BMP5: variants seen among roughly 807,000 people sequenced by gnomAD.
BMP5 encodes bone morphogenetic protein 5.
Under a neutral mutation model 46.6 loss-of-function variants are expected in BMP5, and 23 were observed. The observed-to-expected ratio is 0.49, with a 90% CI of 0.35 to 0.70. The LOEUF (loss-of-function observed/expected upper bound fraction) is 0.70. Ranked by LOEUF, BMP5 falls within the 30% of genes least tolerant of loss-of-function variation. The pLI, the probability that BMP5 is intolerant of heterozygous loss-of-function variation, is 0.00. For synonymous variants in BMP5, 204 were observed against 191.9 expected (o/e 1.06, Z -0.52); for missense variants, 545 against 565.6 (o/e 0.96, Z 0.37).
rs73453368 is a variant in BMP5 at position 55,794,164 on chromosome 6, C to T, written c.832+115G>A. The T allele has an allele frequency of 9.9e-4, 1,103 of 1,111,440 alleles. 13 individuals are homozygous for T. In the African/African-American group the frequency reaches 0.013, roughly 13 times the overall value. 68.8% of individuals were successfully genotyped at this position (1,111,440 alleles called of 1,614,324 possible). ...TAGTTTTGCACTACCCTATAGAATGCGTTGACTTGGACATCATAAATATAA... is the reference window on the plus strand; with the variant it reads ...TAGTTTTGCACTACCCTATAGAATGTGTTGACTTGGACATCATAAATATAA... On this transcript the variant is annotated intron_variant, in intron 3 of 6. Transcript: ENST00000370830.
Position 55,875,206 on chromosome 6 carries a change from C to A in BMP5, c.-341G>T, listed in dbSNP as rs1777880523. ...CATTCCTATATGAATTTATGATAAT[C>A]AGGCCTTTGGTATTTGAATTAGCAA... On this transcript the variant is annotated 5_prime_UTR_variant, in exon 1 of 7. Transcript: ENST00000370830. 1 of 239,958 alleles carries A rather than the reference C, an allele frequency of 4.2e-6. No homozygotes were observed. Among genetic ancestry groups the A allele is most frequent in the Non-Finnish European group, 8.2e-6 (1 of 121,644 alleles). 14.9% of individuals were successfully genotyped at this position (239,958 alleles called of 1,614,324 possible).
intron 1 of BMP5, among the ~76,000 whole-genome samples, chr6:55,824,275 T>C (rs376958516): frequency 6.6e-6 from 1 of 151,782 alleles, no homozygotes; most frequent in Non-Finnish European, 1.5e-5. Context: ...CACAAGTAAA[T>C]GAGAAGAAAA....
chr6:55,829,504 T>C (rs1434474495), intron 1 of BMP5, among the ~76,000 whole-genome samples: 1 of 151,202 alleles, frequency 6.6e-6, no homozygotes, highest in Non-Finnish European at 1.5e-5. Flanking sequence ...ATAGTATATA[T>C]ATATTTTTTA....
At chr6:55,832,179 C>T (rs906614316) in intron 1 of BMP5, among the ~76,000 whole-genome samples, 3 of 152,198 alleles carry the variant, frequency 2.0e-5, no homozygotes, top group Admixed American at 6.6e-5. Flanking sequence ...TTCTTGCTTT[C>T]TCCTCAAAGC....
At chr6:55,804,560 T>C (rs1426431757) in intron 2 of BMP5, among the ~76,000 whole-genome samples, 1 of 152,142 alleles carries the variant, frequency 6.6e-6, no homozygotes, top group Non-Finnish European at 1.5e-5. Flanking sequence ...GATTAGGATA[T>C]TTCACATATT....
intron 4 of BMP5, among the ~76,000 whole-genome samples, chr6:55,769,310 A>G (rs531471630): frequency 6.6e-6 from 1 of 152,088 alleles, no homozygotes; most frequent in Non-Finnish European, 1.5e-5. Flanking sequence ...CTTATTTAAA[A>G]TGCTAAATCC....
At position 55,804,212 on chromosome 6, in the gene BMP5, G is replaced by C. The variant is rs116352773; in HGVS notation, c.684-9785C>G. ...TGCAAATGTAATCAAGTTAAGATGA[G>C]GTAAGCCATATTTCAATATAACCAG... On this transcript the variant is annotated intron_variant, in intron 2 of 6. Coordinates refer to ENST00000370830, the MANE Select transcript of BMP5 (RefSeq NM_021073.4). Among the ~76,000 whole-genome samples the C allele has an allele frequency of 2.3e-3, 352 of 152,192 alleles. 1 individual carries two copies. Among genetic ancestry groups the C allele is most frequent in the African/African-American group, 8.2e-3 (341 of 41,510 alleles).
At chr6:55,873,101 C>G (rs369528326) in intron 1 of BMP5, among the ~76,000 whole-genome samples, 1 of 151,760 alleles carries the variant, frequency 6.6e-6, no homozygotes, top group Non-Finnish European at 1.5e-5. Context: ...TATTAAGTAC[C>G]TTATCCTTCA....
At chr6:55,802,410 T>C (rs1014223496) in intron 2 of BMP5, among the ~76,000 whole-genome samples, 1 of 152,020 alleles carries the variant, frequency 6.6e-6, no homozygotes, top group African/African-American at 2.4e-5. Context: ...ATGCATAGAG[T>C]ACAAGAGATC....
At chr6:55,756,870 G>A (rs577369627) in intron 6 of BMP5, among the ~76,000 whole-genome samples, 7 of 151,690 alleles carry the variant, frequency 4.6e-5, no homozygotes, top group East Asian at 1.9e-4. Flanking sequence ...GCAGCCTAAC[G>A]GAAAAAAAAT....
chr6:55,866,950 A>G (rs1051339233), intron 1 of BMP5, among the ~76,000 whole-genome samples: 1 of 152,232 alleles, frequency 6.6e-6, no homozygotes, highest in Admixed American at 6.5e-5. Flanking sequence ...CATATATATC[A>G]GTAACTTGCA....
At chr6:55,787,972 ATT>A (rs1775487805) in intron 3 of BMP5, among the ~76,000 whole-genome samples, 1 of 151,662 alleles carries the variant, frequency 6.6e-6, no homozygotes, top group African/African-American at 2.4e-5. Context: ...CACAACATGT[ATT>A]AGGGACCATT....
intron 1 of BMP5, among the ~76,000 whole-genome samples, chr6:55,861,571 G>C (rs1221619395): frequency 6.6e-6 from 1 of 152,106 alleles, no homozygotes; most frequent in Non-Finnish European, 1.5e-5. Flanking sequence ...AGTATCTTTG[G>C]TGTCTGCACA....
At chr6:55,760,054 A>T (rs976136206) in intron 5 of BMP5, among the ~76,000 whole-genome samples, 2 of 151,950 alleles carry the variant, frequency 1.3e-5, no homozygotes, top group African/African-American at 2.4e-5. Context: ...GCAAGAAAAA[A>T]AAATGTCTGT....
chr6:55,813,843 A>T (rs1337753463), intron 2 of BMP5, among the ~76,000 whole-genome samples: 4 of 151,920 alleles, frequency 2.6e-5, no homozygotes, highest in Non-Finnish European at 5.9e-5. Context: ...CAAAAATTAT[A>T]CCTTAACTTT....
chr6:55,829,497 G>GTA (rs972181091), intron 1 of BMP5, among the ~76,000 whole-genome samples: 2 of 150,922 alleles, frequency 1.3e-5, no homozygotes, highest in Admixed American at 6.6e-5. Flanking sequence ...AGTTCTAATA[G>GTA]TATATATATA....
At chr6:55,774,707 G>A (rs1481637670) in intron 3 of BMP5, among the ~76,000 whole-genome samples, 1 of 151,940 alleles carries the variant, frequency 6.6e-6, no homozygotes, top group East Asian at 1.9e-4. Context: ...GTGTTAATTA[G>A]TGGTGATAGC....
intron 1 of BMP5, among the ~76,000 whole-genome samples, chr6:55,829,362 T>A (rs983909560): frequency 6.6e-6 from 1 of 151,826 alleles, no homozygotes; most frequent in African/African-American, 2.4e-5. Context: ...TTTTCAGATT[T>A]TTTTTTATTG....
In BMP5 at chr6:55,851,121, G is replaced by C. The variant is rs1039992690; in HGVS notation, c.490+23255C>G. The stretch of plus-strand genomic sequence containing the variant: ...GTTGTGGGTTTTTTGTTTTTGTTTT[G>C]TTTTGTTTTGTTTTGCTTTTTTTTT... On this transcript the variant is annotated intron_variant, in intron 1 of 6. Coordinates refer to ENST00000370830, the MANE Select transcript of BMP5 (RefSeq NM_021073.4). Among the ~76,000 whole-genome samples, 3 of 122,104 alleles carry C rather than the reference G, an allele frequency of 2.5e-5. No individual in the cohort carries two copies. In the East Asian group the frequency reaches 6.5e-4, roughly 26 times the overall value. 80.1% of individuals were successfully genotyped at this position (122,104 alleles called of 152,430 possible).
Sources: gnomAD v4.1 joint callset for allele counts (sites outside exome capture counted in the v4.1 genomes callset) on GRCh38, gnomAD v4.1.1 for gene constraint, MANE v1.5 for transcripts, NCBI Gene and HGNC (gene_info 2026-07-23, HGNC 2026-07-21) for gene names.